Variants in PRKCH observed in about 807,000 individuals in gnomAD.
The protein encoded by PRKCH is protein kinase C eta, also known as protein kinase C eta type.
PRKCH carries 28 observed loss-of-function variants against 82.5 expected under a neutral mutation model. That is an observed-to-expected ratio of 0.34 (90% CI 0.25 to 0.47). The LOEUF is 0.47. Ranked by LOEUF, PRKCH falls within the 20% of genes least tolerant of loss-of-function variation. The probability of loss-of-function intolerance (pLI) is 1.00; values close to 1 mark genes in which losing one functional copy is unlikely to be tolerated. For synonymous variants in PRKCH, 322 were observed against 327.4 expected (o/e 0.98, Z 0.18); for missense variants, 705 against 881.8 (o/e 0.80, Z 2.54).
chr14:61,521,349 ATTAT>A (rs1339088277), intron 10 of PRKCH, among the ~76,000 whole-genome samples: 1 of 152,150 alleles, frequency 6.6e-6, no homozygotes, highest in African/African-American at 2.4e-5. Context: ...TAGAAATACC[ATTAT>A]TTATTTAGCC....
chr14:61,192,272 T>C (rs1021671930), intron 1 of PRKCH, among the ~76,000 whole-genome samples: 4 of 152,234 alleles, frequency 2.6e-5, no homozygotes, highest in African/African-American at 9.6e-5. Flanking sequence ...TTAATTTTCC[T>C]ATGTGAAAAG....
chr14:61,277,797 G>A (rs1241664594), intron 1 of PRKCH: 1 of 152,152 alleles, frequency 6.6e-6, no homozygotes, highest in Non-Finnish European at 1.5e-5. Flanking sequence ...CGTTGAGGTT[G>A]ATAAAGTTCA....
At chr14:61,378,411 T>G (rs1254344287) in intron 1 of PRKCH, among the ~76,000 whole-genome samples, 1 of 152,026 alleles carries the variant, frequency 6.6e-6, no homozygotes, top group Non-Finnish European at 1.5e-5. Flanking sequence ...CTTATTTTGT[T>G]GCTTAGGCTG....
intron 12 of PRKCH, among the ~76,000 whole-genome samples, chr14:61,534,716 C>T (rs924463927): frequency 2.0e-5 from 3 of 152,038 alleles, no homozygotes; most frequent in Admixed American, 6.5e-5. Context: ...GATGAGGAAA[C>T]GGGCCCAGAG....
chr14:61,324,421 A>C (rs146561259), intron 1 of PRKCH, among the ~76,000 whole-genome samples: 1 of 152,188 alleles, frequency 6.6e-6, no homozygotes, highest in Non-Finnish European at 1.5e-5. Context: ...GCAGTTTTTC[A>C]TGCGTTTGCA....
At chr14:61,246,646 A>C (rs1350054299) in intron 1 of PRKCH, among the ~76,000 whole-genome samples, 1 of 152,130 alleles carries the variant, frequency 6.6e-6, no homozygotes, top group Non-Finnish European at 1.5e-5. Context: ...CCAGACCCCA[A>C]GAATGGACTC....
intron 10 of PRKCH, among the ~76,000 whole-genome samples, chr14:61,511,505 G>T (rs566230604): frequency 6.6e-6 from 1 of 152,322 alleles, no homozygotes; most frequent in African/African-American, 2.4e-5. Flanking sequence ...CTGAGGGCCT[G>T]GCAGGGTGAA....
intron 7 of PRKCH, among the ~76,000 whole-genome samples, chr14:61,455,187 G>C (rs1487268267): frequency 7.0e-6 from 1 of 141,936 alleles, no homozygotes; most frequent in Non-Finnish European, 1.5e-5. Context: ...CCGCCACCAC[G>C]CCCAGCTAAT....
chr14:61,402,442 T>C (rs1233262827), intron 2 of PRKCH, among the ~76,000 whole-genome samples: 1 of 152,250 alleles, frequency 6.6e-6, no homozygotes, highest in African/African-American at 2.4e-5. Flanking sequence ...GGCTGGACTG[T>C]ATTCATGTAC....
intron 3 of PRKCH, 121 bp from the exon 4 acceptor site, chr14:61,445,571 C>T (rs1285103582): frequency 1.1e-6 from 1 of 886,752 alleles, no homozygotes; most frequent in Non-Finnish European, 1.9e-6. Context: ...ATGATCTTTG[C>T]TTCTTCCCTG....
Position 61,322,165 on chromosome 14 carries a change from C to T in PRKCH, c.64C>T (p.Leu22=), listed in dbSNP as rs1329970573. The part of the protein sequence containing the change: ...LRVRIGEAVG[L]QPTRWSLRHS... Reference sequence around the variant, plus strand: ...GGTCCGCATCGGTGAGGCAGTGGGGCTGCAGCCCACCCGCTGGTCCCTGCG... The same window carrying T: ...GGTCCGCATCGGTGAGGCAGTGGGGTTGCAGCCCACCCGCTGGTCCCTGCG... Residue 22 remains leucine (L), a synonymous_variant, in exon 1 of 14, where the codon CTG becomes TTG. Transcript: ENST00000332981. 3.7e-6 allele frequency: 6 copies of T among 1,609,788 alleles called. No homozygotes were observed. Among genetic ancestry groups the T allele is most frequent in the Non-Finnish European group, 5.1e-6 (6 of 1,178,316 alleles).
At chr14:61,203,251 C>T (rs1031626260) in intron 1 of PRKCH, among the ~76,000 whole-genome samples, 1 of 152,114 alleles carries the variant, frequency 6.6e-6, no homozygotes, top group African/African-American at 2.4e-5. Context: ...ACATTCCCAG[C>T]TGTCCCTGTC....
At chr14:61,451,633 G>C (rs2140287476) in intron 6 of PRKCH, among the ~76,000 whole-genome samples, 1 of 152,328 alleles carries the variant, frequency 6.6e-6, no homozygotes, top group African/African-American at 2.4e-5. Context: ...GTGGGTGAGA[G>C]CTGATCCCTG....
chr14:61,210,196 C>T (rs2044563657), intron 1 of PRKCH, among the ~76,000 whole-genome samples: 1 of 142,466 alleles, frequency 7.0e-6, no homozygotes, highest in Non-Finnish European at 1.5e-5. Context: ...CACCTGTAAT[C>T]CCAGCTTTTC....
At chr14:61,498,141 G>A (rs1475206357) in intron 10 of PRKCH, among the ~76,000 whole-genome samples, 4 of 152,086 alleles carry the variant, frequency 2.6e-5, no homozygotes, top group African/African-American at 9.7e-5. Context: ...AGCCTCCCAA[G>A]TGCCTGGGAT....
rs547191103 is a variant in PRKCH at position 61,378,493 on chromosome 14, G to A, written c.364-12732G>A. 1.4e-4 allele frequency among the ~76,000 whole-genome samples: 21 copies of A among 152,124 alleles called. No homozygotes were observed. In the South Asian group the frequency reaches 3.1e-3, roughly 23 times the overall value. ...AATACTGAGATTACAGATGTGAGCC[G>A]CCACACCCAGCACTGAATAGTGCTT... On this transcript the variant is annotated intron_variant, in intron 1 of 13. Transcript: ENST00000332981.
At chr14:61,195,106 T>A (rs527533586) in intron 1 of PRKCH, among the ~76,000 whole-genome samples, 22 of 152,340 alleles carry the variant, frequency 1.4e-4, no homozygotes, top group African/African-American at 5.3e-4. Flanking sequence ...TTCTCTATAT[T>A]CTTCCTGGTA....
chr14:61,319,086 G>A (rs2045586818), upstream of PRKCH, among the ~76,000 whole-genome samples: 1 of 152,178 alleles, frequency 6.6e-6, no homozygotes, highest in Non-Finnish European at 1.5e-5. Context: ...TAATGTCCAA[G>A]GCTTTCCTGT....
intron 1 of PRKCH, among the ~76,000 whole-genome samples, chr14:61,246,625 T>C (rs959610187): frequency 6.6e-6 from 1 of 152,080 alleles, no homozygotes; most frequent in African/African-American, 2.4e-5. Flanking sequence ...CCATTATCTA[T>C]AGTGTCAAGT....
Sources: allele counts gnomAD v4.1 joint callset (sites outside exome capture counted in the v4.1 genomes callset), GRCh38; gene constraint gnomAD v4.1.1; transcripts MANE v1.5; gene names NCBI Gene and HGNC (gene_info 2026-07-23, HGNC 2026-07-21).